The following GRIK2 variants were observed in gnomAD, a reference collection of about 807,000 sequenced individuals.
GRIK2 encodes glutamate receptor ionotropic, kainate 2.
GRIK2 carries 32 observed loss-of-function variants against 100.3 expected under a neutral mutation model. That is an observed-to-expected ratio of 0.32 (90% confidence interval 0.24 to 0.43). GRIK2 has a LOEUF of 0.43. Ranked by LOEUF, GRIK2 falls within the 20% of genes least tolerant of loss-of-function variation. The pLI, the probability that GRIK2 is intolerant of heterozygous loss-of-function variation, is 1.00. For missense variants in GRIK2, 843 were observed against 1,114.9 expected (o/e 0.76, Z 3.47); for synonymous variants, 417 against 389.4 (o/e 1.07, Z -0.83).
intron 14 of GRIK2, among the ~76,000 whole-genome samples, chr6:102,018,608 T>C (rs1769256813): frequency 6.6e-6 from 1 of 152,082 alleles, no homozygotes; most frequent in South Asian, 2.1e-4. Context: ...CATTGAGGTT[T>C]CTACTCATGG....
intron 2 of GRIK2, among the ~76,000 whole-genome samples, chr6:101,600,658 A>T (rs1308774915): frequency 6.6e-6 from 1 of 150,832 alleles, no homozygotes; most frequent in Non-Finnish European, 1.5e-5. Context: ...TTTTTTGTGG[A>T]TTTTTTTTAA....
chr6:102,067,567 A>G (rs1445582082), intron 16 of GRIK2, among the ~76,000 whole-genome samples: 2 of 151,846 alleles, frequency 1.3e-5, no homozygotes, highest in African/African-American at 2.4e-5. Context: ...AGCTGTAACA[A>G]TAAGCCCCAG....
intron 2 of GRIK2, among the ~76,000 whole-genome samples, chr6:101,546,717 T>C (rs1322760466): frequency 1.3e-5 from 2 of 152,188 alleles, no homozygotes; most frequent in East Asian, 3.9e-4. Context: ...TTCTATAATA[T>C]TATCTCCTTA....
At chr6:101,700,824 A>G (rs1772840707) in intron 7 of GRIK2, among the ~76,000 whole-genome samples, 1 of 152,098 alleles carries the variant, frequency 6.6e-6, no homozygotes, top group African/African-American at 2.4e-5. Context: ...CTGCAATTCA[A>G]GCCTGAGTTA....
chr6:101,930,757 A>G (rs1000398405), intron 14 of GRIK2, among the ~76,000 whole-genome samples: 1 of 151,432 alleles, frequency 6.6e-6, no homozygotes, highest in African/African-American at 2.4e-5. Context: ...TAATAGTTCA[A>G]TTGCTTTCTG....
At chr6:101,763,960 G>A (rs1416770668) in intron 7 of GRIK2, among the ~76,000 whole-genome samples, 4 of 151,988 alleles carry the variant, frequency 2.6e-5, no homozygotes, top group Admixed American at 1.3e-4. Context: ...TGTATTATCT[G>A]ATTTGACAAG....
chr6:101,855,602 G>T (rs2128441646), intron 10 of GRIK2, among the ~76,000 whole-genome samples: 1 of 152,204 alleles, frequency 6.6e-6, no homozygotes, highest in East Asian at 1.9e-4. Context: ...AACAAATCTG[G>T]CAAGTTTGAA....
chr6:101,660,804 G>A (rs1370214272), intron 4 of GRIK2, among the ~76,000 whole-genome samples: 1 of 152,136 alleles, frequency 6.6e-6, no homozygotes, highest in Non-Finnish European at 1.5e-5. Context: ...CACCAGTGGA[G>A]GCTGCAGAAC....
At chr6:101,414,748 G>A (rs1351602624) in intron 2 of GRIK2, among the ~76,000 whole-genome samples, 1 of 152,134 alleles carries the variant, frequency 6.6e-6, no homozygotes, top group Non-Finnish European at 1.5e-5. Flanking sequence ...CATCCCATTA[G>A]TCAAATAGCT....
intron 7 of GRIK2, among the ~76,000 whole-genome samples, chr6:101,788,758 T>C (rs1468768488): frequency 6.6e-6 from 1 of 152,184 alleles, no homozygotes; most frequent in African/African-American, 2.4e-5. Context: ...ATGGTATTTC[T>C]AGTTCTAGGT....
chr6:101,907,693 A>C (rs1788330950), intron 12 of GRIK2, among the ~76,000 whole-genome samples: 1 of 150,372 alleles, frequency 6.7e-6, no homozygotes, highest in Non-Finnish European at 1.5e-5. Context: ...CATAATATTT[A>C]ATGTTACTTT....
intron 7 of GRIK2, among the ~76,000 whole-genome samples, chr6:101,736,388 C>G (rs529243365): frequency 6.6e-6 from 1 of 152,292 alleles, no homozygotes; most frequent in South Asian, 2.1e-4. Context: ...CACGAGGGCC[C>G]CATCCCTGCA....
intron 2 of GRIK2, among the ~76,000 whole-genome samples, chr6:101,532,867 G>C (rs1470218981): frequency 6.6e-6 from 1 of 151,752 alleles, no homozygotes; most frequent in African/African-American, 2.4e-5. Flanking sequence ...GATGAAAACA[G>C]AAAGGACTTT....
At chr6:102,054,006 C>G (rs957659174) in intron 15 of GRIK2, among the ~76,000 whole-genome samples, 1 of 152,000 alleles carries the variant, frequency 6.6e-6, no homozygotes, top group Non-Finnish European at 1.5e-5. Context: ...AGAAATTCCC[C>G]TAATATACTT....
At chr6:101,971,735 T>C (rs1793065416) in intron 14 of GRIK2, among the ~76,000 whole-genome samples, 1 of 151,870 alleles carries the variant, frequency 6.6e-6, no homozygotes, top group Non-Finnish European at 1.5e-5. Context: ...TTTTCACCCA[T>C]TGCCTGTCTC....
intron 2 of GRIK2, among the ~76,000 whole-genome samples, chr6:101,585,063 T>C (rs1423989052): frequency 1.3e-5 from 2 of 151,942 alleles, no homozygotes; most frequent in African/African-American, 4.8e-5. Flanking sequence ...CTCAAATACT[T>C]ATTTCTCAGC....
At chr6:101,552,085 C>T (rs990512892) in intron 2 of GRIK2, among the ~76,000 whole-genome samples, 2 of 152,018 alleles carry the variant, frequency 1.3e-5, no homozygotes, top group Admixed American at 6.6e-5. Flanking sequence ...TAGTTTTTTT[C>T]AGTATCATGA....
chr6:101,773,895 C>T (rs937160173), intron 7 of GRIK2, among the ~76,000 whole-genome samples: 4 of 152,054 alleles, frequency 2.6e-5, no homozygotes, highest in African/African-American at 9.7e-5. Flanking sequence ...AATTTTATGA[C>T]AAGTTGCTAC....
intron 14 of GRIK2, among the ~76,000 whole-genome samples, chr6:101,936,225 T>C (rs1010492360): frequency 6.6e-6 from 1 of 152,076 alleles, no homozygotes; most frequent in Admixed American, 6.6e-5. Context: ...CCATCAGACA[T>C]TTTTTTCTAG....
Sources: allele counts gnomAD v4.1 joint callset (sites outside exome capture counted in the v4.1 genomes callset), GRCh38; gene constraint gnomAD v4.1.1; transcripts MANE v1.5; gene names NCBI Gene and HGNC (gene_info 2026-07-23, HGNC 2026-07-21).